The following GREM2 variants were observed in gnomAD, a reference collection of about 807,000 sequenced individuals.
GREM2 encodes the protein gremlin-2.
GREM2 carries 11 observed loss-of-function variants against 14.2 expected under a neutral mutation model. That is an observed-to-expected ratio of 0.78 (90% confidence interval 0.49 to 1.28). The LOEUF (loss-of-function observed/expected upper bound fraction) is 1.28. GREM2 is among the 50% of genes most tolerant of loss of function. The pLI is 0.00. For missense variants in GREM2, 210 were observed against 218.5 expected, an observed-to-expected ratio of 0.96 and a Z score of 0.24; for synonymous variants, 98 against 97.6, an observed-to-expected ratio of 1.00 and a Z score of -0.02.
In GREM2 at chr1:240,540,788, A is replaced by G. The variant is rs1678571058; in HGVS notation, c.-1-47312T>C. 6.6e-6 allele frequency among the ~76,000 whole-genome samples: 1 copy of G among 152,028 alleles called. No homozygotes were observed. The highest frequency in any genetic ancestry group is 1.5e-5 in the Non-Finnish European group (1 of 67,994). ...ATGTTGACCAGGGTGGTCTTGATCT[A>G]CTGACCTCGTGATCTGCCTGCCTCG... On this transcript the variant is annotated intron_variant, in intron 1 of 1. Coordinates refer to ENST00000318160, the MANE Select transcript of GREM2 (RefSeq NM_022469.4). The surrounding 1 kb of genome is among the most constrained non-coding windows in gnomAD (Gnocchi z 4.2).
At chr1:240,501,315 C>T (rs1677565060) in intron 1 of GREM2, among the ~76,000 whole-genome samples, 1 of 152,174 alleles carries the variant, frequency 6.6e-6, no homozygotes, top group Non-Finnish European at 1.5e-5. Context: ...CAAATGGATT[C>T]ATTTACTTTT....
chr1:240,587,884 G>A (rs1679629473), intron 1 of GREM2, among the ~76,000 whole-genome samples: 1 of 152,068 alleles, frequency 6.6e-6, no homozygotes, highest in Non-Finnish European at 1.5e-5. Context: ...GGCCTGTTAG[G>A]GCAGATGTTT....
intron 1 of GREM2, among the ~76,000 whole-genome samples, chr1:240,499,452 TC>T (rs2103275532): frequency 6.6e-6 from 1 of 152,282 alleles, no homozygotes; most frequent in African/African-American, 2.4e-5. Context: ...ATAAACTTGC[TC>T]CCATTACCCA....
rs760165424 is a variant in GREM2, at chr1:240,543,376, A to T, written c.-1-49900T>A. 9.2e-5 allele frequency among the ~76,000 whole-genome samples: 14 copies of T among 152,242 alleles called. No homozygotes were observed. The highest frequency in any genetic ancestry group is 2.1e-4 in the South Asian group (1 of 4,834). Reference sequence around the variant, plus strand: ...GGAGGCCTCACAATCAAGGCAGAAGACAAATGAGGAGCAAAATCACGTCTT... The same window carrying T: ...GGAGGCCTCACAATCAAGGCAGAAGTCAAATGAGGAGCAAAATCACGTCTT... On this transcript the variant is annotated intron_variant, in intron 1 of 1. Transcript: ENST00000318160. The surrounding 1 kb of genome is among the most constrained non-coding windows in gnomAD (Gnocchi z 6.4).
In GREM2 at chr1:240,543,993, T is replaced by C. The variant is rs972033671; in HGVS notation, c.-1-50517A>G. ...AAAAATATTAAGGAAAATTCCACAG[T>C]TATAAAAATCAAAACTTGAATTTGC... On this transcript the variant is annotated intron_variant, in intron 1 of 1. Coordinates refer to ENST00000318160, the MANE Select transcript of GREM2 (RefSeq NM_022469.4). This position sits in a 1 kb window ranked among gnomAD's most constrained non-coding sequence, Gnocchi z 6.4. Among the ~76,000 whole-genome samples, 1 of 152,198 alleles carries C rather than the reference T, an allele frequency of 6.6e-6. No homozygotes were observed. The highest frequency in any genetic ancestry group is 1.5e-5 in the Non-Finnish European group (1 of 68,030).
At chr1:240,494,936 C>T (rs923996374) in intron 1 of GREM2, among the ~76,000 whole-genome samples, 2 of 151,996 alleles carry the variant, frequency 1.3e-5, no homozygotes, top group East Asian at 1.9e-4. Context: ...TAGAAATTTC[C>T]CTAGCTGTAT....
intron 1 of GREM2, among the ~76,000 whole-genome samples, chr1:240,523,080 T>A (rs551503401): frequency 4.5e-4 from 68 of 152,316 alleles, no homozygotes; most frequent in Non-Finnish European, 8.8e-4. Context: ...CTTAGCTCAA[T>A]AGGTATGGAA....
At position 240,507,373 on chromosome 1, in the gene GREM2, C is replaced by T. The variant is rs180787862; in HGVS notation, c.-1-13897G>A. Among the ~76,000 whole-genome samples, 145 of 151,212 alleles carry T rather than the reference C, an allele frequency of 9.6e-4. 2 individuals are homozygous for T. The highest frequency in any genetic ancestry group is 9.1e-3 in the Admixed American group (138 of 15,170). On this transcript the variant is annotated intron_variant, in intron 1 of 1. Transcript: ENST00000318160. ...CTTTCTTTCTCTAGCTCTTTTTACC[C>T]GGGCTGGAGTGCAGTGGTGCAATCT...
intron 1 of GREM2, among the ~76,000 whole-genome samples, chr1:240,500,314 T>C (rs1469106342): frequency 1.3e-5 from 2 of 151,928 alleles, no homozygotes; most frequent in Non-Finnish European, 2.9e-5. Context: ...TTTTTTTTTT[T>C]TCCAGACAGA....
At position 240,595,289 on chromosome 1, in the gene GREM2, G is replaced by A. The variant is rs376076345; in HGVS notation, c.-2+16595C>T. ...GGAGGTTGCAGTGAGCCAAGATTGCGCCACTGCACTCCAGCCTGGCCACAG... is the reference window on the plus strand; with the variant it reads ...GGAGGTTGCAGTGAGCCAAGATTGCACCACTGCACTCCAGCCTGGCCACAG... On this transcript the variant is annotated intron_variant, in intron 1 of 1. Coordinates refer to ENST00000318160, the MANE Select transcript of GREM2 (RefSeq NM_022469.4). Among the ~76,000 whole-genome samples, 14 of 152,208 alleles carry A rather than the reference G, an allele frequency of 9.2e-5. No homozygotes were observed. The South Asian group carries it at 2.3e-3, about 25-fold the overall frequency.
At chr1:240,510,700 C>A (rs74584833) in intron 1 of GREM2, among the ~76,000 whole-genome samples, 1 of 151,920 alleles carries the variant, frequency 6.6e-6, no homozygotes, top group Non-Finnish European at 1.5e-5. Flanking sequence ...TAAAAGTTTT[C>A]GATGAACAAA....
At chr1:240,583,673 C>T (rs1044345774) in intron 1 of GREM2, among the ~76,000 whole-genome samples, 2 of 151,754 alleles carry the variant, frequency 1.3e-5, no homozygotes, top group African/African-American at 4.8e-5. Context: ...GCTATCTCAG[C>T]TCATTGCAAC....
intron 1 of GREM2, among the ~76,000 whole-genome samples, chr1:240,510,605 C>A (rs1266278662): frequency 6.6e-6 from 1 of 151,960 alleles, no homozygotes; most frequent in African/African-American, 2.4e-5. Flanking sequence ...GAATTGTACA[C>A]CTAAGATTGT....
At chr1:240,505,764 G>A (rs966111377) in intron 1 of GREM2, among the ~76,000 whole-genome samples, 7 of 151,566 alleles carry the variant, frequency 4.6e-5, no homozygotes, top group Non-Finnish European at 1.0e-4. Context: ...AAAAAAGAAT[G>A]ATATGGTGAA....
intron 1 of GREM2, among the ~76,000 whole-genome samples, chr1:240,552,457 A>G (rs1310650896): frequency 1.3e-5 from 2 of 152,142 alleles, no homozygotes; most frequent in Non-Finnish European, 2.9e-5. Context: ...TTAGCCAGCC[A>G]TGGTGGTATA....
At position 240,492,174 on chromosome 1, in the gene GREM2, A is replaced by G. The variant is rs563968423; in HGVS notation, c.*795T>C. 3 of 449,532 alleles carry G rather than the reference A, an allele frequency of 6.7e-6. No homozygotes were observed. The highest frequency in any genetic ancestry group is 4.0e-5 in the African/African-American group (2 of 50,032). The allele number at this position is 449,532 out of a possible 1,614,324, so 27.8% of individuals were successfully genotyped here. On this transcript the variant is annotated 3_prime_UTR_variant, in exon 2 of 2. Coordinates refer to ENST00000318160, the MANE Select transcript of GREM2 (RefSeq NM_022469.4). The stretch of plus-strand genomic sequence containing the variant: ...GGTCACTTATAAAACCAGCGTTAAT[A>G]TAGAGACCTTTGTGTGTGATAATAT...
intron 1 of GREM2, among the ~76,000 whole-genome samples, chr1:240,569,741 T>G (rs1254361640): frequency 1.3e-5 from 2 of 152,012 alleles, no homozygotes; most frequent in Non-Finnish European, 2.9e-5. Context: ...CTTATAAAAC[T>G]CACATAAGAA....
intron 1 of GREM2, among the ~76,000 whole-genome samples, chr1:240,563,040 ATGTGTG>A (rs1245322605): frequency 7.5e-6 from 1 of 133,870 alleles, no homozygotes; most frequent in African/African-American, 3.0e-5. Flanking sequence ...ATGAGTGTGT[ATGTGTG>A]TATGTGTATA....
intron 1 of GREM2, among the ~76,000 whole-genome samples, chr1:240,598,221 T>A (rs1266809126): frequency 1.3e-5 from 2 of 152,228 alleles, no homozygotes; most frequent in Non-Finnish European, 2.9e-5. Flanking sequence ...AAGCACACTT[T>A]CTTGTTGTCG....
Sources: gnomAD v4.1 joint callset for allele counts (sites outside exome capture counted in the v4.1 genomes callset) on GRCh38, gnomAD v4.1.1 for gene constraint, Gnocchi (gnomAD v3.1) non-coding constraint, MANE v1.5 for transcripts, NCBI Gene and HGNC (gene_info 2026-07-23, HGNC 2026-07-21) for gene names.